The following ZNF385D variants were observed in gnomAD, a reference collection of about 807,000 sequenced individuals.
ZNF385D encodes zinc finger protein 659.
In ZNF385D, 15 loss-of-function variants were observed where a neutral mutation model predicts 35.8. That is an observed-to-expected ratio of 0.42 (90% CI 0.28 to 0.64). The LOEUF is 0.64. Ranked by LOEUF, ZNF385D falls within the 30% of genes least tolerant of loss-of-function variation. The probability of loss-of-function intolerance (pLI) is 0.23; values close to 1 mark genes in which losing one functional copy is unlikely to be tolerated. For synonymous variants in ZNF385D, 212 were observed against 186.8 expected, an observed-to-expected ratio of 1.13 and a Z score of -1.10; for missense variants, 474 against 494.6, an observed-to-expected ratio of 0.96 and a Z score of 0.39.
intron 3 of ZNF385D, among the ~76,000 whole-genome samples, chr3:21,791,735 G>T (rs546377528): frequency 6.6e-6 from 1 of 151,724 alleles, no homozygotes; most frequent in African/African-American, 2.4e-5. Flanking sequence ...GGATCTAATC[G>T]TTTTTTTTGG....
chr3:21,721,997 G>A (rs1044636992), intron 1 of ZNF385D, among the ~76,000 whole-genome samples: 2 of 151,830 alleles, frequency 1.3e-5, no homozygotes, highest in Admixed American at 6.6e-5. Flanking sequence ...CTACTCAGGA[G>A]GCTGAGGGAG....
At chr3:21,991,649 T>C (rs7652410) in intron 3 of ZNF385D, among the ~76,000 whole-genome samples, 25,152 of 152,138 alleles carry the variant, frequency 0.17, 5,245 homozygotes, top group African/African-American at 0.49. Flanking sequence ...TGGCACGTCT[T>C]CAACAGTAAA....
In ZNF385D at chr3:21,664,101, A is replaced by T. The variant is rs115338700; in HGVS notation, c.165+785T>A. Among the ~76,000 whole-genome samples, 1,248 of 148,466 alleles carry T rather than the reference A, an allele frequency of 8.4e-3. 18 individuals carry two copies. The highest frequency in any genetic ancestry group is 0.03 in the African/African-American group (1,210 of 40,506). Reference sequence around the variant, plus strand: ...CCACTGTTGTTATCTGAAGGCTGAAAAGATAATATTAAAAAAAAAAAAAGT... The same window carrying T: ...CCACTGTTGTTATCTGAAGGCTGAATAGATAATATTAAAAAAAAAAAAAGT... On this transcript the variant is annotated intron_variant, in intron 2 of 7. Transcript: ENST00000281523.
intron 2 of ZNF385D, among the ~76,000 whole-genome samples, chr3:22,186,010 T>C (rs563970343): frequency 8.5e-5 from 13 of 152,290 alleles, no homozygotes; most frequent in African/African-American, 2.9e-4. Context: ...CTTTTAATAA[T>C]ATTTTACTAA....
intron 3 of ZNF385D, among the ~76,000 whole-genome samples, chr3:22,043,990 G>T (rs1293046906): frequency 6.6e-6 from 1 of 151,972 alleles, no homozygotes; most frequent in South Asian, 2.1e-4. Flanking sequence ...AGGAACATTA[G>T]GTAGAAGTGA....
chr3:21,794,868 T>C (rs186567864), intron 3 of ZNF385D, among the ~76,000 whole-genome samples: 1 of 152,192 alleles, frequency 6.6e-6, no homozygotes, highest in African/African-American at 2.4e-5. Context: ...CTGAGCTTCA[T>C]CTGAACATTG....
intron 3 of ZNF385D, among the ~76,000 whole-genome samples, chr3:22,148,137 G>A (rs6550666): frequency 0.089 from 13,575 of 152,062 alleles, 846 homozygotes; most frequent in African/African-American, 0.18. Flanking sequence ...CCCTCATATA[G>A]AACCATATAA....
intron 3 of ZNF385D, among the ~76,000 whole-genome samples, chr3:22,103,487 T>C (rs1023597374): frequency 3.9e-5 from 6 of 152,160 alleles, no homozygotes; most frequent in Non-Finnish European, 5.9e-5. Context: ...AAACTTGTGT[T>C]CTCAAGCTAC....
chr3:22,078,441 T>C (rs143028919), intron 3 of ZNF385D, among the ~76,000 whole-genome samples: 2 of 152,040 alleles, frequency 1.3e-5, no homozygotes, highest in African/African-American at 2.4e-5. Flanking sequence ...TTCTCAATTA[T>C]TTATTACTTT....
intron 2 of ZNF385D, among the ~76,000 whole-genome samples, chr3:22,314,945 T>A (rs1043676432): frequency 6.6e-6 from 1 of 151,970 alleles, no homozygotes; most frequent in African/African-American, 2.4e-5. Context: ...AATGAATGGA[T>A]GTGGAGTAAG....
intron 3 of ZNF385D, among the ~76,000 whole-genome samples, chr3:21,522,821 T>A (rs1025788589): frequency 3.3e-5 from 5 of 152,050 alleles, no homozygotes; most frequent in African/African-American, 7.2e-5. Context: ...AGAAAAAAAA[T>A]TTTTTGTTTT....
intron 3 of ZNF385D, among the ~76,000 whole-genome samples, chr3:21,859,371 T>C (rs1464543185): frequency 6.6e-6 from 1 of 151,674 alleles, no homozygotes; most frequent in Non-Finnish European, 1.5e-5. Flanking sequence ...GCTTTATCTT[T>C]CCTCTTAAGT....
rs747785853 is a variant in ZNF385D, at chr3:21,995,383, G to A, written c.325+173434C>T. Among the ~76,000 whole-genome samples the A allele has an allele frequency of 3.3e-5, 5 of 152,160 alleles. No individual in the cohort carries two copies. In the South Asian group the frequency reaches 6.2e-4, roughly 19 times the overall value. On this transcript the variant is annotated intron_variant, in intron 3 of 5. Transcript: ENST00000494108. ...GGCTGTCCTCAGGACCCCCGAGTGT[G>A]AACATGGGCACAGGCTACAGTGAGT... is the stretch of plus-strand genomic sequence containing the variant.
rs191916365 is a variant in ZNF385D, at chr3:21,714,753, A to G, written c.22+36142T>C. ...TCATTCTCACCTTCCCTTTACAGCA[A>G]AGCTCCATGAGAGGGTTATCTATAA... On this transcript the variant is annotated intron_variant, in intron 1 of 7. Transcript: ENST00000281523. 6.3e-4 allele frequency among the ~76,000 whole-genome samples: 96 copies of G among 152,302 alleles called. 1 individual carries two copies. Among genetic ancestry groups the G allele is most frequent in the African/African-American group, 2.2e-3 (93 of 41,558 alleles).
At chr3:21,955,716 G>C (rs918928462) in intron 3 of ZNF385D, among the ~76,000 whole-genome samples, 9 of 152,206 alleles carry the variant, frequency 5.9e-5, no homozygotes, top group African/African-American at 2.2e-4. Flanking sequence ...GAGTATCTTC[G>C]ATTAACTCAT....
intron 3 of ZNF385D, among the ~76,000 whole-genome samples, chr3:22,063,031 ATTTT>A (rs528368566): frequency 6.6e-6 from 1 of 151,766 alleles, no homozygotes; most frequent in Admixed American, 6.6e-5. Context: ...ACACGGGATA[ATTTT>A]TTTTTATTTA....
At chr3:21,616,421 C>G (rs1251457813) in intron 2 of ZNF385D, among the ~76,000 whole-genome samples, 13 of 152,160 alleles carry the variant, frequency 8.5e-5, no homozygotes, top group Admixed American at 8.5e-4. Flanking sequence ...TAAAGATACC[C>G]TTCAGTACCT....
chr3:22,011,380 G>T (rs1330855012), intron 3 of ZNF385D, among the ~76,000 whole-genome samples: 1 of 152,036 alleles, frequency 6.6e-6, no homozygotes, highest in Non-Finnish European at 1.5e-5. Flanking sequence ...CATTAAAATA[G>T]TGGTAAACTG....
chr3:21,477,280 T>C (rs1052902110), intron 4 of ZNF385D, among the ~76,000 whole-genome samples: 4 of 151,826 alleles, frequency 2.6e-5, no homozygotes, highest in African/African-American at 7.3e-5. Context: ...AAACAAAAAC[T>C]AGCCAGACAT....
Sources: gnomAD v4.1 joint callset for allele counts (sites outside exome capture counted in the v4.1 genomes callset) on GRCh38, gnomAD v4.1.1 for gene constraint, MANE v1.5 for transcripts, NCBI Gene and HGNC (gene_info 2026-07-23, HGNC 2026-07-21) for gene names.